CSRNP2: variants seen among roughly 807,000 people sequenced by gnomAD.
The protein encoded by CSRNP2 is cysteine and serine rich nuclear protein 2.
Under a neutral mutation model 36.6 loss-of-function variants are expected in CSRNP2, and 11 were observed. The observed-to-expected ratio is 0.30, with a 90% CI of 0.19 to 0.50. CSRNP2 has a LOEUF of 0.50. CSRNP2 is among the 20% of genes least tolerant of loss of function. The pLI, the probability that CSRNP2 is intolerant of heterozygous loss-of-function variation, is 0.98. For synonymous variants in CSRNP2, 248 were observed against 275.3 expected (o/e 0.90, Z 0.98); for missense variants, 483 against 691.4 (o/e 0.70, Z 3.38).
intron 1 of CSRNP2, among the ~76,000 whole-genome samples, chr12:51,079,686 C>T (rs1397918026): frequency 6.9e-6 from 1 of 144,218 alleles, no homozygotes; most frequent in African/African-American, 2.6e-5. Flanking sequence ...GCAGGAGAAT[C>T]GCTTGAACCC....
At chr12:51,065,498 A>G (rs1209498008) in intron 4 of CSRNP2, among the ~76,000 whole-genome samples, 1 of 151,146 alleles carries the variant, frequency 6.6e-6, no homozygotes, top group Non-Finnish European at 1.5e-5. Flanking sequence ...CAGTTATACC[A>G]TTTTTTTTTC....
At chr12:51,074,164 C>A in intron 2 of CSRNP2, 82 bp from the exon 3 acceptor site, 1 of 1,463,326 alleles carries the variant, frequency 6.8e-7, no homozygotes, top group Non-Finnish European at 9.1e-7. Context: ...GTTGCCCAGG[C>A]TGGAGTGCTG....
chr12:51,061,951 C>T lies in CSRNP2; in HGVS notation c.*1795G>A, dbSNP rs1006635622. On this transcript the variant is annotated 3_prime_UTR_variant, in exon 5 of 5. Transcript: ENST00000228515. Reference sequence around the variant, plus strand: ...AGTCTAGTTCAGTTCTGGGTAGCTTCGAGAGCTCAGGTACTTAAAAGACTC... The same window carrying T: ...AGTCTAGTTCAGTTCTGGGTAGCTTTGAGAGCTCAGGTACTTAAAAGACTC... 3.9e-5 allele frequency: 6 copies of T among 152,052 alleles called. No homozygotes were observed. Among genetic ancestry groups the T allele is most frequent in the Admixed American group, 3.9e-4 (6 of 15,242 alleles). 9.4% of individuals were successfully genotyped at this position (152,052 alleles called of 1,614,324 possible).
At chr12:51,070,164 G>A (rs1183434262) in intron 3 of CSRNP2, among the ~76,000 whole-genome samples, 1 of 152,178 alleles carries the variant, frequency 6.6e-6, no homozygotes, top group Non-Finnish European at 1.5e-5. Flanking sequence ...CAGGATGAAA[G>A]CCACGTGACT....
intron 3 of CSRNP2, 49 bp from the exon 4 acceptor site, chr12:51,068,018 C>T (rs1014344000): frequency 1.3e-6 from 2 of 1,553,274 alleles, no homozygotes; most frequent in Non-Finnish European, 1.8e-6. Flanking sequence ...GCGGCATGCA[C>T]CTCCTCAGTG....
rs141533346 is a variant in CSRNP2 at position 51,071,963 on chromosome 12, G to C, written c.411+1860C>G. On this transcript the variant is annotated intron_variant, in intron 3 of 4. Coordinates refer to ENST00000228515, the MANE Select transcript of CSRNP2 (RefSeq NM_030809.3). ...CTAGAGTGAGAAAAACAGGTGTAGGGCTTTAGGAATAGTCTGAGGGAAGTA... is the reference window on the plus strand; with the variant it reads ...CTAGAGTGAGAAAAACAGGTGTAGGCCTTTAGGAATAGTCTGAGGGAAGTA... Among the ~76,000 whole-genome samples the C allele has an allele frequency of 3.8e-3, 580 of 151,750 alleles. 2 individuals carry two copies. Among genetic ancestry groups the C allele is most frequent in the Non-Finnish European group, 6.1e-3 (415 of 68,020 alleles).
chr12:51,066,695 T>C (rs944102921), intron 4 of CSRNP2, among the ~76,000 whole-genome samples: 2 of 151,872 alleles, frequency 1.3e-5, no homozygotes, highest in South Asian at 2.1e-4. Flanking sequence ...CAGATAACTA[T>C]GGTTTTAAGC....
chr12:51,062,409 A>G lies in CSRNP2; in HGVS notation c.*1337T>C, dbSNP rs1592733137. 1 of 152,244 alleles carries G rather than the reference A, an allele frequency of 6.6e-6. No individual in the cohort carries two copies. Among genetic ancestry groups the G allele is most frequent in the African/African-American group, 2.4e-5 (1 of 41,456 alleles). 9.4% of individuals were successfully genotyped at this position (152,244 alleles called of 1,614,324 possible). ...AGACAAAGATCACTTTGCTAATGAA[A>G]GGAAATCAGTGCTGTTCAATGGAGA... is the stretch of plus-strand genomic sequence containing the variant. On this transcript the variant is annotated 3_prime_UTR_variant, in exon 5 of 5. Coordinates refer to ENST00000228515, the MANE Select transcript of CSRNP2 (RefSeq NM_030809.3).
At position 51,063,760 on chromosome 12, in the gene CSRNP2, G is replaced by A. The variant is rs1200213995; in HGVS notation, c.1618C>T (p.Pro540Ser). ...TCTAGCGCCTGTCACACTGCCAGAGGGAGTTCTAAGGAAGAATCTTCAGGG... is the reference window on the plus strand; with the variant it reads ...TCTAGCGCCTGTCACACTGCCAGAGAGAGTTCTAAGGAAGAATCTTCAGGG... ...RPPEDSSLEL[P>S]LAV Residue 540 changes from proline to serine, a missense_variant, in exon 5 of 5, where the codon CCT becomes TCT. Pro to Ser is a moderately conservative substitution (Grantham distance 74). Coordinates refer to ENST00000228515, the MANE Select transcript of CSRNP2 (RefSeq NM_030809.3). 6.4e-6 allele frequency: 10 copies of A among 1,562,664 alleles called. No homozygotes were observed. The East Asian group carries it at 2.3e-4, about 35-fold the overall frequency.
chr12:51,077,245 T>C (rs1309722549), intron 1 of CSRNP2, among the ~76,000 whole-genome samples: 1 of 152,118 alleles, frequency 6.6e-6, no homozygotes, highest in Non-Finnish European at 1.5e-5. Flanking sequence ...TGAACCCGGC[T>C]AGACCCACTT....
In CSRNP2 at chr12:51,063,793, C is replaced by A. The variant is rs749688709; in HGVS notation, c.1585G>T (p.Asp529Tyr). ...GMVKTSQQNE[D>Y]RPPEDSSLEL... ...AAGGAAGAATCTTCAGGGGGCCGAT[C>A]CTCATTCTGCTGGGAGGTCTTCACC... Residue 529 changes from aspartate (D) to tyrosine (Y), a missense_variant, in exon 5 of 5, where the codon GAT becomes TAT. Coordinates refer to ENST00000228515, the MANE Select transcript of CSRNP2 (RefSeq NM_030809.3). 6.3e-7 allele frequency: 1 copy of A among 1,598,444 alleles called. No homozygotes were observed.
chr12:51,072,150 A>G (rs559491334), intron 3 of CSRNP2, among the ~76,000 whole-genome samples: 28 of 152,292 alleles, frequency 1.8e-4, no homozygotes, highest in African/African-American at 6.3e-4. Flanking sequence ...TTGGGCTTCA[A>G]AGAAACCTGG....
chr12:51,067,636 G>C lies in CSRNP2; in HGVS notation c.708+37C>G. 3 of 1,594,080 alleles carry C rather than the reference G, an allele frequency of 1.9e-6. No homozygotes were observed. Among genetic ancestry groups the C allele is most frequent in the Non-Finnish European group, 2.6e-6 (3 of 1,167,584 alleles). The stretch of plus-strand genomic sequence containing the variant: ...ACCCACACCTCACCCCGCTGACCCT[G>C]GTGTAGATATACTATCTCAGGCCAA... On this transcript the variant is annotated intron_variant, in intron 4 of 4. Coordinates refer to ENST00000228515, the MANE Select transcript of CSRNP2 (RefSeq NM_030809.3). This position sits in a 1 kb window ranked among gnomAD's most constrained non-coding sequence, Gnocchi z 4.1.
intron 1 of CSRNP2, among the ~76,000 whole-genome samples, chr12:51,077,397 A>G (rs1939443631): frequency 6.6e-6 from 1 of 152,220 alleles, no homozygotes; most frequent in Non-Finnish European, 1.5e-5. Flanking sequence ...GGCTTTTAAT[A>G]TACTAATAAG....
In CSRNP2 at chr12:51,062,128, A is replaced by G. The variant is rs936291826; in HGVS notation, c.*1618T>C. On this transcript the variant is annotated 3_prime_UTR_variant, in exon 5 of 5. Transcript: ENST00000228515. ...ATGTGTATTAAATACAAATCTTTTC[A>G]GGCTCAGAGTTTAGAGACTTCAGGG... 1 of 152,198 alleles carries G rather than the reference A, an allele frequency of 6.6e-6. No homozygotes were observed. Among genetic ancestry groups the G allele is most frequent in the African/African-American group, 2.4e-5 (1 of 41,454 alleles). The allele number at this position is 152,198 out of a possible 1,614,324, so 9.4% of individuals were successfully genotyped here.
chr12:51,075,267 A>G (rs999113844), intron 2 of CSRNP2, among the ~76,000 whole-genome samples: 1 of 151,742 alleles, frequency 6.6e-6, no homozygotes, highest in Non-Finnish European at 1.5e-5. Flanking sequence ...GCACACCACC[A>G]CACCCAGCTA....
At position 51,064,244 on chromosome 12, in the gene CSRNP2, G is replaced by A. The variant is rs1937874031; in HGVS notation, c.1134C>T (p.Pro378=). 5.0e-6 allele frequency: 8 copies of A among 1,613,436 alleles called. No homozygotes were observed. The highest frequency in any genetic ancestry group is 1.3e-5 in the African/African-American group (1 of 75,000). Reference sequence around the variant, plus strand: ...GGGGCAGCTGAGCCTGGATGAGAATGGGGGCTGTAAGGCCTGGGCACAGCT... The same window carrying A: ...GGGGCAGCTGAGCCTGGATGAGAATAGGGGCTGTAAGGCCTGGGCACAGCT... The part of the protein sequence containing the change: ...PEELCPGLTA[P]ILIQAQLPPG... Residue 378 remains proline (P), a synonymous_variant, in exon 5 of 5, where the codon CCC becomes CCT. Transcript: ENST00000228515.
chr12:51,081,065 A>C (rs901313), intron 1 of CSRNP2, among the ~76,000 whole-genome samples: 84,606 of 152,028 alleles, frequency 0.56, 24,359 homozygotes, highest in Non-Finnish European at 0.63. Flanking sequence ...AGGCGGGCAG[A>C]TCACTTGAGG....
Position 51,081,889 on chromosome 12 carries a change from C to A in CSRNP2, c.-87+1450G>T, listed in dbSNP as rs561140301. 1.3e-3 allele frequency among the ~76,000 whole-genome samples: 204 copies of A among 152,058 alleles called. 1 individual carries two copies. Among genetic ancestry groups the A allele is most frequent in the Middle Eastern group, 6.8e-3 (2 of 292 alleles). ...TATGTGAGAGCAGCAAGAGGGACTG[C>A]CCAGGCAAAATTTTCTGGAAGAATC... On this transcript the variant is annotated intron_variant, in intron 1 of 4. Transcript: ENST00000228515.
Sources: allele counts gnomAD v4.1 joint callset (sites outside exome capture counted in the v4.1 genomes callset), GRCh38; gene constraint gnomAD v4.1.1; non-coding constraint Gnocchi (gnomAD v3.1); transcripts MANE v1.5; gene names NCBI Gene and HGNC (gene_info 2026-07-23, HGNC 2026-07-21).